Variants in ADCY8 observed in about 807,000 individuals in gnomAD.
ADCY8 encodes adenylate cyclase type 8.
ADCY8 carries 51 observed loss-of-function variants against 119.7 expected under a neutral mutation model. That is an observed-to-expected ratio of 0.43 (90% CI 0.34 to 0.54). ADCY8 has a LOEUF of 0.54. ADCY8 is among the 20% of genes least tolerant of loss of function. The pLI, the probability that ADCY8 is intolerant of heterozygous loss-of-function variation, is 0.03. For missense variants in ADCY8, 1,383 were observed against 1,598.8 expected, an observed-to-expected ratio of 0.87 and a Z score of 2.30; for synonymous variants, 665 against 651.0, an observed-to-expected ratio of 1.02 and a Z score of -0.33.
At chr8:131,035,115 C>T (rs916822251) in intron 1 of ADCY8, among the ~76,000 whole-genome samples, 2 of 152,038 alleles carry the variant, frequency 1.3e-5, no homozygotes, top group African/African-American at 4.8e-5. Context: ...GTGATACAAA[C>T]AATTGGTTTA....
intron 11 of ADCY8, among the ~76,000 whole-genome samples, chr8:130,838,357 T>C (rs777084854): frequency 2.6e-5 from 4 of 152,230 alleles, no homozygotes; most frequent in African/African-American, 4.8e-5. Context: ...TGGTCTCAAA[T>C]GGGATGATAG....
At chr8:130,956,480 A>G (rs1484662037) in intron 2 of ADCY8, among the ~76,000 whole-genome samples, 5 of 152,198 alleles carry the variant, frequency 3.3e-5, no homozygotes, top group Admixed American at 2.0e-4. Context: ...TTCCGTGGTG[A>G]AGGGGATTAG....
At chr8:130,939,029 T>C (rs1017483826) in intron 4 of ADCY8, among the ~76,000 whole-genome samples, 10 of 152,134 alleles carry the variant, frequency 6.6e-5, no homozygotes, top group African/African-American at 2.4e-4. Context: ...GTGCCCAGAT[T>C]TGTGGAGTCA....
chr8:131,021,853 G>A (rs148410488), intron 1 of ADCY8, among the ~76,000 whole-genome samples: 7 of 152,154 alleles, frequency 4.6e-5, no homozygotes, highest in Admixed American at 2.0e-4. Flanking sequence ...CCAGTCTCAG[G>A]TATGTCCTTA....
At chr8:130,843,946 A>C (rs781241083) in intron 11 of ADCY8, among the ~76,000 whole-genome samples, 1 of 152,170 alleles carries the variant, frequency 6.6e-6, no homozygotes, top group Non-Finnish European at 1.5e-5. Context: ...GTCAAACCAC[A>C]TTATGGAAAA....
intron 15 of ADCY8, among the ~76,000 whole-genome samples, chr8:130,785,951 T>C (rs905783905): frequency 5.3e-5 from 8 of 152,332 alleles, no homozygotes; most frequent in African/African-American, 1.9e-4. Context: ...TCTGCACCTG[T>C]TGTTCTCTTG....
chr8:130,984,948 C>T (rs146507963), intron 2 of ADCY8, among the ~76,000 whole-genome samples: 2 of 152,064 alleles, frequency 1.3e-5, no homozygotes, highest in East Asian at 1.9e-4. Flanking sequence ...AAGGTTGAAG[C>T]CATGATACAG....
chr8:130,870,137 C>A (rs563469292), intron 8 of ADCY8, among the ~76,000 whole-genome samples: 7 of 151,868 alleles, frequency 4.6e-5, no homozygotes, highest in African/African-American at 1.7e-4. Context: ...CCTCAGCCTC[C>A]TGAATAGCTG....
At chr8:130,796,550 G>C (rs263230) in intron 15 of ADCY8, among the ~76,000 whole-genome samples, 144,170 of 152,120 alleles carry the variant, frequency 0.95, 68,345 homozygotes, top group East Asian at 0.97. Flanking sequence ...GAACAGCAGG[G>C]GTCTGGCTGG....
At chr8:130,984,139 G>A (rs1001590214) in intron 2 of ADCY8, among the ~76,000 whole-genome samples, 3 of 151,976 alleles carry the variant, frequency 2.0e-5, no homozygotes, top group Non-Finnish European at 2.9e-5. Flanking sequence ...TTGCATGGGC[G>A]GGCTCCCTGT....
intron 5 of ADCY8, among the ~76,000 whole-genome samples, chr8:130,931,218 T>A (rs1417494055): frequency 2.6e-5 from 4 of 152,184 alleles, no homozygotes; most frequent in African/African-American, 4.8e-5. Context: ...AGTATTTTTG[T>A]CTGGCAGGTT....
intron 12 of ADCY8, among the ~76,000 whole-genome samples, chr8:130,823,752 T>C (rs1816589596): frequency 6.6e-6 from 1 of 152,132 alleles, no homozygotes; most frequent in Non-Finnish European, 1.5e-5. Context: ...AAATAAAAAT[T>C]GCCCTTAAGC....
chr8:130,867,442 C>A (rs925293802), intron 9 of ADCY8, among the ~76,000 whole-genome samples: 1 of 152,126 alleles, frequency 6.6e-6, no homozygotes, highest in Non-Finnish European at 1.5e-5. Flanking sequence ...TGGCCACAAA[C>A]AGGTGTTTGC....
At position 130,909,854 on chromosome 8, in the gene ADCY8, T is replaced by C; in HGVS notation, c.1494A>G (p.Ser498=). 1 of 1,614,094 alleles carries C rather than the reference T, an allele frequency of 6.2e-7. No individual in the cohort carries two copies. Among genetic ancestry groups the C allele is most frequent in the Non-Finnish European group, 8.5e-7 (1 of 1,180,008 alleles). The change falls in exon 6 of 18, where the codon TCA becomes TCG. Residue 498 remains serine (S), a synonymous_variant. Transcript: ENST00000286355. ...SMIKTIRYVR[S]RTKHDVDMRI... ...TCATGTCAACATCGTGTTTTGTCCT[T>C]GACCGCACATACCTGTTGACATAGG...
chr8:130,855,596 G>C (rs1452069466), intron 9 of ADCY8, among the ~76,000 whole-genome samples: 1 of 150,294 alleles, frequency 6.7e-6, no homozygotes, highest in Non-Finnish European at 1.5e-5. Flanking sequence ...ACACCACCTA[G>C]AAAGAAATCC....
intron 9 of ADCY8, among the ~76,000 whole-genome samples, chr8:130,863,606 C>A (rs186631070): frequency 2.0e-5 from 3 of 151,964 alleles, no homozygotes; most frequent in African/African-American, 7.2e-5. Flanking sequence ...TTTATTTTTT[C>A]CTAGCATATC....
At chr8:130,943,494 G>GGGGGGCC in intron 3 of ADCY8, 32 bp from the exon 4 acceptor site, 1 of 500,402 alleles carries the variant, frequency 2.0e-6, no homozygotes, top group Non-Finnish European at 4.1e-6. Context: ...GGGGTGGGGG[G>GGGGGGCC]AGGAAGTATA....
At chr8:130,985,148 T>TG (rs762338583) in intron 2 of ADCY8, among the ~76,000 whole-genome samples, 8 of 151,856 alleles carry the variant, frequency 5.3e-5, no homozygotes, top group Non-Finnish European at 1.2e-4. Context: ...GAAAGGGGGT[T>TG]GGGGGGTGAC....
intron 13 of ADCY8, among the ~76,000 whole-genome samples, chr8:130,821,022 A>G (rs7812586): frequency 0.018 from 2,803 of 152,260 alleles, 83 homozygotes; most frequent in African/African-American, 0.063. Flanking sequence ...ATAGCACACA[A>G]CTTTTGTAGT....
Sources: gnomAD v4.1 joint callset for allele counts (sites outside exome capture counted in the v4.1 genomes callset) on GRCh38, gnomAD v4.1.1 for gene constraint, MANE v1.5 for transcripts, NCBI Gene and HGNC (gene_info 2026-07-23, HGNC 2026-07-21) for gene names.